DLG2: variants seen among roughly 807,000 people sequenced by gnomAD.
DLG2 encodes disks large homolog 2.
In DLG2, 45 loss-of-function variants were observed where a neutral mutation model predicts 132.5. The observed-to-expected ratio is 0.34, with a 90% CI of 0.27 to 0.44. DLG2 has a LOEUF of 0.44. Ranked by LOEUF, DLG2 falls within the 20% of genes least tolerant of loss-of-function variation. The pLI, the probability that DLG2 is intolerant of heterozygous loss-of-function variation, is 1.00. For missense variants in DLG2, 1,045 were observed against 1,196.9 expected, an observed-to-expected ratio of 0.87 and a Z score of 1.87; for synonymous variants, 424 against 419.6, an observed-to-expected ratio of 1.01 and a Z score of -0.13.
rs1215924813 is a variant in DLG2, at chr11:84,922,191, AG to A, written c.357+189469del. 1.1e-3 allele frequency among the ~76,000 whole-genome samples: 174 copies of A among 151,820 alleles called. 2 individuals are homozygous for A. The highest frequency in any genetic ancestry group is 3.7e-3 in the African/African-American group (151 of 41,342). ...TATTGACTTTAAAAAAAAAAAAAAAAGATTCCTATTTTAGGTTGTCTTAACT... is the reference window on the plus strand; with the variant it reads ...TATTGACTTTAAAAAAAAAAAAAAAAATTCCTATTTTAGGTTGTCTTAACT... On this transcript the variant is annotated intron_variant, in intron 6 of 27. Transcript: ENST00000376104.
At chr11:85,555,875 A>C (rs982623822) in intron 3 of DLG2, among the ~76,000 whole-genome samples, 2 of 151,990 alleles carry the variant, frequency 1.3e-5, no homozygotes, top group East Asian at 3.9e-4. Context: ...AAAGTTATCA[A>C]CTATTTCATC....
At chr11:83,638,313 G>C (rs2065398100) in intron 18 of DLG2, among the ~76,000 whole-genome samples, 1 of 152,170 alleles carries the variant, frequency 6.6e-6, no homozygotes, top group African/African-American at 2.4e-5. Flanking sequence ...TTTGGGTTAT[G>C]TAGATGGAGT....
intron 16 of DLG2, among the ~76,000 whole-genome samples, chr11:83,839,847 T>C (rs1356007435): frequency 6.6e-6 from 1 of 152,206 alleles, no homozygotes; most frequent in African/African-American, 2.4e-5. Flanking sequence ...CCTTGCACTC[T>C]TCTCTCTCTG....
At chr11:84,411,612 T>C in intron 7 of DLG2, among the ~76,000 whole-genome samples, 1 of 152,046 alleles carries the variant, frequency 6.6e-6, no homozygotes, top group Non-Finnish European at 1.5e-5. Flanking sequence ...GAGAAATAAG[T>C]AAGAGGTGGA....
intron 12 of DLG2, among the ~76,000 whole-genome samples, chr11:83,972,642 G>A (rs1287032765): frequency 1.3e-5 from 2 of 151,976 alleles, no homozygotes; most frequent in Non-Finnish European, 2.9e-5. Flanking sequence ...ATTAAGCTAA[G>A]TTTTAAAAAA....
At chr11:85,356,627 T>A (rs2083711447) in intron 3 of DLG2, among the ~76,000 whole-genome samples, 1 of 152,304 alleles carries the variant, frequency 6.6e-6, no homozygotes, top group South Asian at 2.1e-4. Context: ...CATGTACTAG[T>A]CCATTGATCA....
chr11:83,655,631 G>A (rs913293836), intron 18 of DLG2, among the ~76,000 whole-genome samples: 4 of 152,174 alleles, frequency 2.6e-5, no homozygotes, highest in African/African-American at 9.7e-5. Context: ...AGGAAAGTCT[G>A]AAGATATTTG....
rs2098617526 is a variant in DLG2 at position 84,356,992 on chromosome 11, G to C, written c.520-105701C>G. ...GTTTGATGTGCTCAAGAATGAGTAA[G>C]AGAGTTGCACGATGAGAAATGAGTG... On this transcript the variant is annotated intron_variant, in intron 7 of 27. Coordinates refer to ENST00000376104, the MANE Select transcript of DLG2 (RefSeq NM_001142699.3). Among the ~76,000 whole-genome samples, 3 of 152,052 alleles carry C rather than the reference G, an allele frequency of 2.0e-5. 1 individual carries two copies. In the South Asian group the frequency reaches 6.2e-4, roughly 31 times the overall value.
At chr11:83,887,397 A>T (rs1437419803) in intron 15 of DLG2, among the ~76,000 whole-genome samples, 1 of 152,062 alleles carries the variant, frequency 6.6e-6, no homozygotes, top group Non-Finnish European at 1.5e-5. Flanking sequence ...AGACTAAACC[A>T]GGAAGAAGTT....
chr11:83,855,419 T>A, intron 16 of DLG2, among the ~76,000 whole-genome samples: 1 of 152,164 alleles, frequency 6.6e-6, no homozygotes, highest in East Asian at 1.9e-4. Context: ...TTGGAAGCAA[T>A]CAAGATGTCC....
chr11:85,001,271 T>G (rs2058184780), intron 6 of DLG2, among the ~76,000 whole-genome samples: 1 of 152,038 alleles, frequency 6.6e-6, no homozygotes, highest in Non-Finnish European at 1.5e-5. Flanking sequence ...TTATTATTAT[T>G]ATTTGTTGTA....
intron 6 of DLG2, among the ~76,000 whole-genome samples, chr11:84,846,821 A>G (rs199948385): frequency 4.6e-5 from 7 of 152,176 alleles, no homozygotes; most frequent in Non-Finnish European, 1.0e-4. Context: ...ATGAGTGTCC[A>G]TGTAAGAATT....
intron 20 of DLG2, among the ~76,000 whole-genome samples, chr11:83,541,429 G>A (rs557353820): frequency 6.6e-6 from 1 of 152,298 alleles, no homozygotes; most frequent in Admixed American, 6.5e-5. Context: ...AAAGTTTTAG[G>A]AACACAGTGT....
chr11:85,483,547 T>G (rs2093348646), intron 3 of DLG2, among the ~76,000 whole-genome samples: 1 of 151,980 alleles, frequency 6.6e-6, no homozygotes. Flanking sequence ...AGCATAAAAC[T>G]CAATGGTAAA....
chr11:84,050,652 T>C (rs2096355565), intron 11 of DLG2, among the ~76,000 whole-genome samples: 1 of 152,066 alleles, frequency 6.6e-6, no homozygotes, highest in Admixed American at 6.6e-5. Context: ...TGGTTTTAGG[T>C]CTAACATTTA....
At chr11:84,244,533 G>A (rs1278313109) in intron 8 of DLG2, among the ~76,000 whole-genome samples, 2 of 152,132 alleles carry the variant, frequency 1.3e-5, no homozygotes, top group African/African-American at 4.8e-5. Flanking sequence ...GCTGATTGTG[G>A]CAGTTGAGAA....
chr11:84,000,249 C>T (rs1238903695), intron 11 of DLG2, among the ~76,000 whole-genome samples: 1 of 151,864 alleles, frequency 6.6e-6, no homozygotes, highest in African/African-American at 2.4e-5. Context: ...TTGAAAGCTT[C>T]AACACTAGAT....
At chr11:83,492,456 C>A (rs1463550970) in intron 21 of DLG2, among the ~76,000 whole-genome samples, 7 of 151,956 alleles carry the variant, frequency 4.6e-5, no homozygotes, top group African/African-American at 1.7e-4. Context: ...TTCCCTGTCT[C>A]CAGCTTGAAA....
At chr11:85,093,065 T>C (rs796611828) in intron 6 of DLG2, among the ~76,000 whole-genome samples, 46 of 152,330 alleles carry the variant, frequency 3.0e-4, no homozygotes, top group Middle Eastern at 3.4e-3. Flanking sequence ...CTTTTAGACA[T>C]TGATTTTCGA....
Sources: gnomAD v4.1 joint callset for allele counts (sites outside exome capture counted in the v4.1 genomes callset) on GRCh38, gnomAD v4.1.1 for gene constraint, MANE v1.5 for transcripts, NCBI Gene and HGNC (gene_info 2026-07-23, HGNC 2026-07-21) for gene names.